The following CEP72 variants were observed in gnomAD, a reference collection of about 807,000 sequenced individuals.
CEP72 encodes centrosomal protein of 72 kDa.
In CEP72, 78 loss-of-function variants were observed where a neutral mutation model predicts 65.7. The ratio of observed to expected loss-of-function variants is 1.19; its 90% CI spans 0.99 to 1.43. The LOEUF is 1.43. Among genes scored for constraint, CEP72 ranks in the 40% most tolerant of loss-of-function variants. The pLI, the probability that CEP72 is intolerant of heterozygous loss-of-function variation, is 0.00. For missense variants in CEP72, 914 were observed against 832.9 expected, an observed-to-expected ratio of 1.10 and a Z score of -1.20; for synonymous variants, 358 against 351.7, an observed-to-expected ratio of 1.02 and a Z score of -0.20.
At chr5:671,393 G>A (rs945568231), downstream of CEP72, among the ~76,000 whole-genome samples, 5 of 152,018 alleles carry the variant, frequency 3.3e-5, no homozygotes, top group South Asian at 2.1e-4. Flanking sequence ...CCAGGGGCTC[G>A]GCTGCCTCCA....
At chr5:648,577 TGACTGTGAGGTGTGACTGTGAGGCGTG>T (rs1738606535) in intron 11 of CEP72, among the ~76,000 whole-genome samples, 1 of 129,992 alleles carries the variant, frequency 7.7e-6, no homozygotes, top group African/African-American at 3.0e-5. Context: ...CTGTGAGGTG[TGACTGTGAGGTGTGACTGTGAGGCGTG>T]GACTGTGAGG....
intron 7 of CEP72, among the ~76,000 whole-genome samples, chr5:638,777 G>C (rs1334397761): frequency 6.6e-6 from 1 of 152,192 alleles, no homozygotes; most frequent in Non-Finnish European, 1.5e-5. Context: ...GGCTCTGACT[G>C]CGGCCTGGAT....
rs1157706256 is a variant in CEP72, at chr5:628,397, C to CG, written c.512+3818_512+3819insG. 2.4e-3 allele frequency among the ~76,000 whole-genome samples: 355 copies of CG among 150,370 alleles called. 1 individual carries two copies. Among genetic ancestry groups the CG allele is most frequent in the Admixed American group, 0.014 (213 of 14,918 alleles). On this transcript the variant is annotated intron_variant, in intron 4 of 11. Transcript: ENST00000264935. The stretch of plus-strand genomic sequence containing the variant: ...GGACCCAGCCCCCTTCTTTGTGCAG[C>CG]TTCTGGAGAACTCAGGTCACAGGCC...
At chr5:628,881 A>AC (rs1561037755) in intron 4 of CEP72, among the ~76,000 whole-genome samples, 5 of 107,226 alleles carry the variant, frequency 4.7e-5, no homozygotes, top group African/African-American at 2.4e-4. Flanking sequence ...TGGAGAACTC[A>AC]GGTTGCCGTC....
downstream of CEP72, among the ~76,000 whole-genome samples, chr5:669,273 T>C (rs10054597): frequency 0.015 from 2,287 of 151,694 alleles, 62 homozygotes; most frequent in African/African-American, 0.052. Flanking sequence ...CAGGGGGCGC[T>C]GGTGAGCCCG....
At position 624,459 on chromosome 5, in the gene CEP72, C is replaced by A. The variant is rs1161000492; in HGVS notation, c.404-12C>A. On this transcript the variant is annotated splice_polypyrimidine_tract_variant and intron_variant, in intron 3 of 11. Coordinates refer to ENST00000264935, the MANE Select transcript of CEP72 (RefSeq NM_018140.4). The surrounding 1 kb of genome is among the most constrained non-coding windows in gnomAD (Gnocchi z 4.7). ...TGCCACCTGCACAGTCTTGTGTGGC[C>A]TTTTCTTCTAGACGATCGCCCCGTG... 8 of 1,610,640 alleles carry A rather than the reference C, an allele frequency of 5.0e-6. No homozygotes were observed. Among genetic ancestry groups the A allele is most frequent in the Non-Finnish European group, 6.8e-6 (8 of 1,176,890 alleles).
chr5:620,341 T>C, intron 3 of CEP72, 80 bp downstream of exon 3: 1 of 1,222,234 alleles, frequency 8.2e-7, no homozygotes, highest in Non-Finnish European at 1.2e-6. Flanking sequence ...GGTGTCTGTG[T>C]GCTCAACGTC....
In CEP72 at chr5:644,423, C is replaced by T. The variant is rs764184378; in HGVS notation, c.1664C>T (p.Ala555Val). 6.2e-7 allele frequency: 1 copy of T among 1,613,570 alleles called. No homozygotes were observed. Among genetic ancestry groups the T allele is most frequent in the Non-Finnish European group, 8.5e-7 (1 of 1,179,822 alleles). The change falls in exon 10 of 12, where the codon GCT becomes GTT. Residue 555 changes from alanine to valine, a missense_variant and splice_region_variant. Physicochemically the swap from Ala to Val is moderately conservative, Grantham distance 64 (BLOSUM62 0). Coordinates refer to ENST00000264935, the MANE Select transcript of CEP72 (RefSeq NM_018140.4). The part of the protein sequence containing the change: ...DTAATLNLQI[A>V]GLQTSVKRLC... ...GCAGCCACGTTAAATTTGCAGATCG[C>T]TGGTAAGTTGATCGTGTATTTGGTC... is the stretch of plus-strand genomic sequence containing the variant.
chr5:665,919 G>GGGCC, intron 3 of CEP72: 4 of 344,042 alleles, frequency 1.2e-5, no homozygotes, highest in Non-Finnish European at 1.6e-5. Flanking sequence ...CACCTTCCAG[G>GGGCC]CCCCGCCCCC....
chr5:634,063 G>C, intron 5 of CEP72, 116 bp downstream of exon 5: 1 of 872,566 alleles, frequency 1.1e-6, no homozygotes, highest in East Asian at 2.6e-5. Context: ...TTGAAGGATA[G>C]GATCTTCATG....
rs1207394444 is a variant in CEP72 at position 623,018 on chromosome 5, C to T, written c.404-1453C>T. ...GTGTTTCTGCAGAGAAGGAGCGCAG[C>T]CGTCTCCCCTCTTAGTGTTTCTGTA... On this transcript the variant is annotated intron_variant, in intron 3 of 11. Transcript: ENST00000264935. The surrounding 1 kb of genome is among the most constrained non-coding windows in gnomAD (Gnocchi z 5.3). Among the ~76,000 whole-genome samples the T allele has an allele frequency of 1.3e-5, 2 of 152,128 alleles. No homozygotes were observed. Among genetic ancestry groups the T allele is most frequent in the African/African-American group, 4.8e-5 (2 of 41,416 alleles).
At chr5:657,330 T>A (rs1012530416), downstream of CEP72, among the ~76,000 whole-genome samples, 1 of 152,128 alleles carries the variant, frequency 6.6e-6, no homozygotes, top group Non-Finnish European at 1.5e-5. Context: ...AGCTGCGTGC[T>A]CTAGTACAGT....
At chr5:638,562 G>GT (rs1290069917) in intron 7 of CEP72, among the ~76,000 whole-genome samples, 4 of 151,498 alleles carry the variant, frequency 2.6e-5, no homozygotes, top group South Asian at 2.1e-4. Context: ...GCAGCATGGG[G>GT]TGGGGGGGGG....
chr5:643,186 C>T (rs1280931114), intron 9 of CEP72: 1 of 982,972 alleles, frequency 1.0e-6, no homozygotes, highest in Non-Finnish European at 1.2e-6. Context: ...GTTTGTGCGA[C>T]AGAGGGAGAC....
Position 620,171 on chromosome 5 carries a change from G to A in CEP72, c.313G>A (p.Asp105Asn). Residue 105 changes from aspartate to asparagine, a missense_variant, in exon 3 of 12, where the codon GAT (aspartate) becomes AAT (asparagine). By Grantham distance (23) the Asp-to-Asn change is conservative. Transcript: ENST00000264935. ...GCTCCACGCCTTAACCGAGCTCGTG[G>A]ATGTGGACTTCCGGCTGAACCCCGT... The part of the protein sequence containing the change: ...FRLHALTELV[D>N]VDFRLNPVVK... The A allele has an allele frequency of 6.2e-7, 1 of 1,614,204 alleles. No individual in the cohort carries two copies. The highest frequency in any genetic ancestry group is 2.2e-5 in the East Asian group (1 of 44,880).
chr5:638,039 G>A (rs1053877798), intron 7 of CEP72, among the ~76,000 whole-genome samples: 2 of 152,226 alleles, frequency 1.3e-5, no homozygotes, highest in Non-Finnish European at 2.9e-5. Flanking sequence ...TACGCCTACG[G>A]CACTGACCGT....
intron 2 of CEP72, chr5:665,060 G>A: frequency 6.3e-7 from 1 of 1,585,180 alleles, no homozygotes. Flanking sequence ...CAGAGTCCCT[G>A]CTCTGGGGAC....
At chr5:651,323 G>GTGGACTGTGAGGTGTGACTGTGAGGCA (rs1561066027) in intron 11 of CEP72, among the ~76,000 whole-genome samples, 1 of 92,284 alleles carries the variant, frequency 1.1e-5, no homozygotes, top group African/African-American at 3.9e-5. Context: ...ACTGTGAGGC[G>GTGGACTGTGAGGTGTGACTGTGAGGCA]TGGACTGTGA....
intron 10 of CEP72, 99 bp downstream of exon 10, chr5:644,524 C>A: frequency 7.3e-7 from 1 of 1,371,506 alleles, no homozygotes; most frequent in Non-Finnish European, 1.0e-6. Flanking sequence ...AAGTGAGCAG[C>A]AGCAGACGCA....
Sources: gnomAD v4.1 joint callset for allele counts (sites outside exome capture counted in the v4.1 genomes callset) on GRCh38, gnomAD v4.1.1 for gene constraint, Gnocchi (gnomAD v3.1) non-coding constraint, MANE v1.5 for transcripts, NCBI Gene and HGNC (gene_info 2026-07-23, HGNC 2026-07-21) for gene names.